Variants in PARD3B observed in about 807,000 individuals in gnomAD.
The protein encoded by PARD3B is partitioning defective 3 homolog B.
A neutral mutation model predicts 130.2 loss-of-function variants in PARD3B; 103 were observed. The observed-to-expected ratio is 0.79, with a 90% CI of 0.67 to 0.93. The LOEUF is 0.93. PARD3B is among the 40% of genes least tolerant of loss of function. PARD3B has a pLI of 0.00. For synonymous variants in PARD3B, 583 were observed against 553.2 expected (o/e 1.05, Z -0.76); for missense variants, 1,609 against 1,499.2 (o/e 1.07, Z -1.21).
intron 2 of PARD3B, among the ~76,000 whole-genome samples, chr2:204,830,444 A>T (rs1001335292): frequency 4.6e-5 from 7 of 152,210 alleles, no homozygotes; most frequent in African/African-American, 1.7e-4. Context: ...ACCTTCAGGA[A>T]TTCATTTGAT....
At chr2:205,088,057 A>G (rs1240193345) in intron 4 of PARD3B, among the ~76,000 whole-genome samples, 1 of 152,234 alleles carries the variant, frequency 6.6e-6, no homozygotes, top group African/African-American at 2.4e-5. Context: ...TGTGATTCTC[A>G]GAGACAGGTA....
chr2:204,782,641 C>A (rs1033869129), intron 2 of PARD3B, among the ~76,000 whole-genome samples: 40 of 151,492 alleles, frequency 2.6e-4, no homozygotes, highest in Admixed American at 2.3e-3. Flanking sequence ...AGTATGCCAT[C>A]CATCCATTTG....
chr2:204,698,864 G>A (rs10490270), intron 2 of PARD3B, among the ~76,000 whole-genome samples: 7,427 of 152,062 alleles, frequency 0.049, 528 homozygotes, highest in African/African-American at 0.15. Flanking sequence ...ACCTCAAAAT[G>A]TCGCTTCAAC....
At chr2:205,172,541 A>G (rs1384094770) in intron 12 of PARD3B, among the ~76,000 whole-genome samples, 160 bp downstream of exon 12, 1 of 152,232 alleles carries the variant, frequency 6.6e-6, no homozygotes, top group Non-Finnish European at 1.5e-5. Context: ...TATAATAGAA[A>G]GGTGTAAAAA....
intron 2 of PARD3B, among the ~76,000 whole-genome samples, chr2:204,884,223 T>C (rs1429466688): frequency 1.3e-5 from 2 of 152,094 alleles, no homozygotes; most frequent in African/African-American, 4.8e-5. Flanking sequence ...GGGGTGAAAA[T>C]ATTAATAGAT....
At chr2:204,971,646 C>T (rs1453606231) in intron 3 of PARD3B, among the ~76,000 whole-genome samples, 3 of 150,578 alleles carry the variant, frequency 2.0e-5, no homozygotes, top group African/African-American at 7.4e-5. Flanking sequence ...TCCATGAAGG[C>T]TTAAATGAAT....
At chr2:204,706,684 C>A (rs1288042462) in intron 2 of PARD3B, among the ~76,000 whole-genome samples, 1 of 151,864 alleles carries the variant, frequency 6.6e-6, no homozygotes, top group Non-Finnish European at 1.5e-5. Flanking sequence ...GAAAGGCCAT[C>A]TGAAATAAAG....
At chr2:205,379,104 C>G (rs78201327) in intron 18 of PARD3B, among the ~76,000 whole-genome samples, 4,932 of 152,128 alleles carry the variant, frequency 0.032, 241 homozygotes, top group African/African-American at 0.11. Flanking sequence ...GGGCTAAATA[C>G]TGATTCTCAC....
intron 20 of PARD3B, among the ~76,000 whole-genome samples, chr2:205,465,447 T>C (rs1182811192): frequency 6.6e-6 from 1 of 152,226 alleles, no homozygotes; most frequent in Non-Finnish European, 1.5e-5. Flanking sequence ...TGCTGACTAT[T>C]CATTTTTAAA....
chr2:205,138,067 A>T (rs2032638691), intron 10 of PARD3B, among the ~76,000 whole-genome samples: 1 of 152,210 alleles, frequency 6.6e-6, no homozygotes, highest in African/African-American at 2.4e-5. Context: ...CTATAGCCGA[A>T]TAAGTATTGG....
At chr2:204,784,059 T>G (rs567424902) in intron 2 of PARD3B, among the ~76,000 whole-genome samples, 1 of 152,188 alleles carries the variant, frequency 6.6e-6, no homozygotes, top group South Asian at 2.1e-4. Context: ...ACGACCTAGT[T>G]GGGATGTTGT....
chr2:204,598,635 G>A (rs955092241), intron 1 of PARD3B, among the ~76,000 whole-genome samples: 6 of 152,094 alleles, frequency 3.9e-5, no homozygotes, highest in African/African-American at 1.4e-4. Flanking sequence ...ATGCAAGTAT[G>A]TATGTGTACA....
At chr2:204,878,399 A>G (rs144216872) in intron 2 of PARD3B, among the ~76,000 whole-genome samples, 2,166 of 152,322 alleles carry the variant, frequency 0.014, 36 homozygotes, top group East Asian at 0.051. Context: ...ATTGTTAAAC[A>G]TAAAAACCAG....
chr2:204,582,503 T>TCCC lies in PARD3B; in HGVS notation c.120+36390_120+36392dup, dbSNP rs5837926. 1.1e-4 allele frequency among the ~76,000 whole-genome samples: 16 copies of TCCC among 151,676 alleles called. No homozygotes were observed. The South Asian group carries it at 3.1e-3, about 30-fold the overall frequency. On this transcript the variant is annotated intron_variant, in intron 1 of 22. Transcript: ENST00000406610. ...AGTTTGAGTGAAAATAGATTGAGGTTCCCCCCCCTCATTTCACACTATTAA... is the reference window on the plus strand; with the variant it reads ...AGTTTGAGTGAAAATAGATTGAGGTTCCCCCCCCCCCTCATTTCACACTATTAA...
chr2:205,385,219 G>A (rs2045619712), intron 18 of PARD3B, among the ~76,000 whole-genome samples: 2 of 152,040 alleles, frequency 1.3e-5, no homozygotes, highest in Non-Finnish European at 2.9e-5. Flanking sequence ...AGTTTATGCA[G>A]TACTTTTTTT....
intron 2 of PARD3B, among the ~76,000 whole-genome samples, chr2:204,882,432 A>G (rs960840105): frequency 6.6e-6 from 1 of 152,218 alleles, no homozygotes; most frequent in Non-Finnish European, 1.5e-5. Flanking sequence ...ACAAATGCCA[A>G]TAGACTGCTT....
At chr2:205,247,873 A>G (rs557800331) in intron 16 of PARD3B, among the ~76,000 whole-genome samples, 1 of 152,112 alleles carries the variant, frequency 6.6e-6, no homozygotes, top group Non-Finnish European at 1.5e-5. Context: ...ATACTCAAAT[A>G]AGGTTCAAAA....
chr2:204,842,764 A>G (rs2044304838), intron 2 of PARD3B, among the ~76,000 whole-genome samples: 2 of 152,164 alleles, frequency 1.3e-5, no homozygotes, highest in Admixed American at 6.5e-5. Flanking sequence ...GATGAAGAAA[A>G]TCGCTCTGTA....
chr2:205,271,374 C>T (rs2040717546), intron 16 of PARD3B, among the ~76,000 whole-genome samples: 1 of 152,184 alleles, frequency 6.6e-6, no homozygotes, highest in Admixed American at 6.5e-5. Context: ...CCATAATCCC[C>T]TTATTTGAAG....
Sources: gnomAD v4.1 joint callset for allele counts (sites outside exome capture counted in the v4.1 genomes callset) on GRCh38, gnomAD v4.1.1 for gene constraint, MANE v1.5 for transcripts, NCBI Gene and HGNC (gene_info 2026-07-23, HGNC 2026-07-21) for gene names.